The following TUT7 variants were observed in gnomAD, a reference collection of about 807,000 sequenced individuals.
TUT7 encodes the protein terminal uridylyl transferase 7.
TUT7 carries 33 observed loss-of-function variants against 165.9 expected under a neutral mutation model. The ratio of observed to expected loss-of-function variants is 0.20; its 90% CI spans 0.15 to 0.27. TUT7 has a LOEUF of 0.27. TUT7 is among the 10% of genes least tolerant of loss of function. The pLI is 1.00. For synonymous variants in TUT7, 552 were observed against 608.1 expected, an observed-to-expected ratio of 0.91 and a Z score of 1.36; for missense variants, 1,338 against 1,762.3, an observed-to-expected ratio of 0.76 and a Z score of 4.31.
chr9:86,308,381 G>T, intron 22 of TUT7, 48 bp downstream of exon 22: 1 of 1,526,080 alleles, frequency 6.6e-7, no homozygotes, highest in Non-Finnish European at 8.9e-7. Flanking sequence ...TGTCCTTATA[G>T]TTCAAGCTCT....
intron 18 of TUT7, among the ~76,000 whole-genome samples, chr9:86,310,323 G>A (rs1189074618): frequency 3.3e-5 from 5 of 150,572 alleles, no homozygotes; most frequent in African/African-American, 1.2e-4. Context: ...TTTCCCTAAA[G>A]ACAATCTTCA....
intron 16 of TUT7, among the ~76,000 whole-genome samples, chr9:86,318,691 C>A (rs1828961051): frequency 6.6e-6 from 1 of 152,162 alleles, no homozygotes; most frequent in Non-Finnish European, 1.5e-5. Context: ...CAATGGGACA[C>A]TGAAGAGGCT....
intron 2 of TUT7, among the ~76,000 whole-genome samples, chr9:86,349,272 TC>T (rs1741866825): frequency 6.7e-6 from 1 of 148,918 alleles, no homozygotes; most frequent in African/African-American, 2.5e-5. Context: ...AGAGTGAAAC[TC>T]CATCTCAAAA....
rs189222544 is a variant in TUT7 at position 86,309,152 on chromosome 9, T to C, written c.3660+60A>G. 62 of 1,016,728 alleles carry C rather than the reference T, an allele frequency of 6.1e-5. No homozygotes were observed. In the African/African-American group the frequency reaches 6.6e-4, roughly 11 times the overall value. 63.0% of individuals were successfully genotyped at this position (1,016,728 alleles called of 1,614,324 possible). A position where few individuals can be genotyped will look rare whatever the true frequency, so the allele number is the denominator to read the frequency against. On this transcript the variant is annotated intron_variant, in intron 21 of 26. Coordinates refer to ENST00000375963, the MANE Select transcript of TUT7 (RefSeq NM_024617.4). The stretch of plus-strand genomic sequence containing the variant: ...TAAAATAGTTGTTGAACATCTACAC[T>C]GTAGTATAGCTAATTTTTAGTCAAG...
chr9:86,330,151 G>A (rs1830180962), intron 10 of TUT7, among the ~76,000 whole-genome samples: 2 of 152,058 alleles, frequency 1.3e-5, no homozygotes, highest in African/African-American at 4.8e-5. Flanking sequence ...TCTACCTCCT[G>A]GGTTGAAGCG....
chr9:86,290,367 A>G (rs894619776), intron 26 of TUT7, among the ~76,000 whole-genome samples: 2 of 152,212 alleles, frequency 1.3e-5, no homozygotes, highest in Non-Finnish European at 2.9e-5. Context: ...CATACTTTTC[A>G]AAGCAGGACA....
chr9:86,323,759 A>G lies in TUT7; in HGVS notation c.1991T>C (p.Val664Ala). Reference sequence around the variant, plus strand: ...TTTGAGCTTATCATCTTTTGTTTGTACATCTGGATGATGATTTATTACTTC... The same window carrying G: ...TTTGAGCTTATCATCTTTTGTTTGTGCATCTGGATGATGATTTATTACTTC... ...SKEVINHHPDVQTKDDKLKNS... is the reference protein window; with the variant it reads ...SKEVINHHPDAQTKDDKLKNS... The change falls in exon 13 of 27, where the codon GTA (valine) becomes GCA (alanine). Residue 664 changes from valine to alanine, a missense_variant. Val to Ala is a moderately conservative substitution (Grantham distance 64). This residue lies in a region of TUT7 where 425 missense variants were observed against 474.9 expected (regional missense o/e 0.89). Coordinates refer to ENST00000375963, the MANE Select transcript of TUT7 (RefSeq NM_024617.4). The G allele has an allele frequency of 1.2e-6, 2 of 1,613,666 alleles. No individual in the cohort carries two copies. Among genetic ancestry groups the G allele is most frequent in the Non-Finnish European group, 1.7e-6 (2 of 1,179,748 alleles).
At chr9:86,299,055 A>G (rs1252208953) in intron 26 of TUT7, among the ~76,000 whole-genome samples, 1 of 152,132 alleles carries the variant, frequency 6.6e-6, no homozygotes, top group Non-Finnish European at 1.5e-5. Context: ...GACAGACAGG[A>G]GTGCTGCAGG....
chr9:86,312,085 T>C (rs1409794171), intron 17 of TUT7, among the ~76,000 whole-genome samples: 1 of 151,720 alleles, frequency 6.6e-6, no homozygotes, highest in African/African-American at 2.4e-5. Context: ...CCGCCCATCG[T>C]CTGGGATGTG....
intron 6 of TUT7, among the ~76,000 whole-genome samples, 154 bp downstream of exon 6, chr9:86,342,921 T>TA (rs958072275): frequency 5.4e-5 from 8 of 147,658 alleles, no homozygotes; most frequent in Non-Finnish European, 7.5e-5. Context: ...TGCAGAGTAT[T>TA]AAAAAAAAAA....
intron 26 of TUT7, among the ~76,000 whole-genome samples, chr9:86,294,958 A>G (rs1460843995): frequency 6.6e-6 from 1 of 151,952 alleles, no homozygotes. Flanking sequence ...TATAGAAGAT[A>G]TTTTCATCCT....
chr9:86,335,474 A>C (rs192767306), intron 10 of TUT7, among the ~76,000 whole-genome samples: 1 of 152,334 alleles, frequency 6.6e-6, no homozygotes, highest in East Asian at 1.9e-4. Flanking sequence ...AGATCTGGGT[A>C]GGTCGGGACA....
chr9:86,318,179 C>T (rs561687273), intron 16 of TUT7, among the ~76,000 whole-genome samples: 1 of 152,328 alleles, frequency 6.6e-6, no homozygotes, highest in African/African-American at 2.4e-5. Flanking sequence ...AATAGGGACT[C>T]AGCACTTCCT....
At chr9:86,296,550 G>A (rs1257977060) in intron 26 of TUT7, among the ~76,000 whole-genome samples, 2 of 152,162 alleles carry the variant, frequency 1.3e-5, no homozygotes, top group Non-Finnish European at 2.9e-5. Context: ...AAAGGATGGG[G>A]GTAGGTATCA....
At position 86,346,362 on chromosome 9, in the gene TUT7, C is replaced by T. The variant is rs777924923; in HGVS notation, c.639G>A (p.Glu213=). ...CCTCAGCCTGCTGTAAGCCTAGCAGCTCCTTCGTTGAAAGTACAGACTCAT... is the reference window on the plus strand; with the variant it reads ...CCTCAGCCTGCTGTAAGCCTAGCAGTTCCTTCGTTGAAAGTACAGACTCAT... ...VIDESVLSTK[E]LLGLQQAEER... Residue 213 remains glutamate, a synonymous_variant, in exon 3 of 27, where the codon GAG becomes GAA. Transcript: ENST00000375963. The T allele has an allele frequency of 6.2e-7, 1 of 1,614,110 alleles. No individual in the cohort carries two copies. Among genetic ancestry groups the T allele is most frequent in the Non-Finnish European group, 8.5e-7 (1 of 1,179,984 alleles).
chr9:86,350,544 G>C (rs991518786), intron 2 of TUT7, among the ~76,000 whole-genome samples: 1 of 152,238 alleles, frequency 6.6e-6, no homozygotes, highest in Admixed American at 6.5e-5. Flanking sequence ...GTCCAGCGAG[G>C]CTGAGTTAAT....
intron 26 of TUT7, among the ~76,000 whole-genome samples, chr9:86,289,996 T>C (rs1375376548): frequency 2.6e-5 from 4 of 152,222 alleles, no homozygotes; most frequent in African/African-American, 7.2e-5. Flanking sequence ...TAAAACTATA[T>C]AAATAGCATT....
chr9:86,351,495 G>GA (rs904143136), intron 2 of TUT7, among the ~76,000 whole-genome samples: 21 of 151,944 alleles, frequency 1.4e-4, no homozygotes, highest in African/African-American at 4.3e-4. Flanking sequence ...TGTGAAAAAA[G>GA]AAAAAAAATC....
chr9:86,317,183 G>A (rs915596908), intron 17 of TUT7, 36 bp downstream of exon 17: 7 of 1,583,986 alleles, frequency 4.4e-6, no homozygotes, highest in African/African-American at 1.3e-5. Context: ...TAATTAAAAA[G>A]TCAGAAATAT....
Sources: gnomAD v4.1 joint callset for allele counts (sites outside exome capture counted in the v4.1 genomes callset) on GRCh38, gnomAD v4.1.1 for gene constraint, gnomAD v4.1.1 regional missense constraint, MANE v1.5 for transcripts, NCBI Gene and HGNC (gene_info 2026-07-23, HGNC 2026-07-21) for gene names.